The following RNF220 variants were observed in gnomAD, a reference collection of about 807,000 sequenced individuals.
RNF220 encodes the protein E3 ubiquitin-protein ligase RNF220.
A neutral mutation model predicts 67.1 loss-of-function variants in RNF220; 7 were observed. That is an observed-to-expected ratio of 0.10 (90% CI 0.06 to 0.20). The LOEUF (loss-of-function observed/expected upper bound fraction) is 0.20, where lower values mean the gene tolerates loss of function less well. RNF220 is among the 10% of genes least tolerant of loss of function. RNF220 has a pLI of 1.00. For synonymous variants in RNF220, 270 were observed against 283.2 expected, an observed-to-expected ratio of 0.95 and a Z score of 0.47; for missense variants, 565 against 740.3, an observed-to-expected ratio of 0.76 and a Z score of 2.75.
chr1:44,409,647 TAC>T, intron 1 of RNF220, among the ~76,000 whole-genome samples: 1 of 152,364 alleles, frequency 6.6e-6, no homozygotes, highest in Admixed American at 6.5e-5. Context: ...AACAGTTACT[TAC>T]TTTCCCTTTG....
At chr1:44,461,160 T>A (rs2147959759) in intron 2 of RNF220, among the ~76,000 whole-genome samples, 1 of 152,332 alleles carries the variant, frequency 6.6e-6, no homozygotes, top group South Asian at 2.1e-4. Context: ...ATATTGCATA[T>A]TTAATGCAAA....
At chr1:44,494,592 T>G (rs1351200062) in intron 2 of RNF220, among the ~76,000 whole-genome samples, 4 of 147,812 alleles carry the variant, frequency 2.7e-5, no homozygotes, top group Non-Finnish European at 5.9e-5. Flanking sequence ...GACATATTGT[T>G]AAAAAGAAAA....
chr1:44,642,021 G>A (rs764064867), intron 8 of RNF220, among the ~76,000 whole-genome samples: 1 of 152,228 alleles, frequency 6.6e-6, no homozygotes, highest in Non-Finnish European at 1.5e-5. Context: ...GAGCAGTGTC[G>A]CCAGTGTTTA....
chr1:44,629,167 AGT>A (rs1644042159), intron 5 of RNF220, among the ~76,000 whole-genome samples: 1 of 152,246 alleles, frequency 6.6e-6, no homozygotes, highest in African/African-American at 2.4e-5. Context: ...GTCTCAGGGC[AGT>A]GTCACACCAA....
intron 2 of RNF220, among the ~76,000 whole-genome samples, chr1:44,590,917 C>T (rs1361658587): frequency 2.0e-5 from 3 of 152,166 alleles, no homozygotes; most frequent in African/African-American, 7.2e-5. Context: ...AGATAGTTTT[C>T]CAGGCAGAGG....
At chr1:44,459,334 G>T (rs1234365242) in intron 2 of RNF220, among the ~76,000 whole-genome samples, 3 of 151,950 alleles carry the variant, frequency 2.0e-5, no homozygotes, top group African/African-American at 7.3e-5. Context: ...CCTTCTCCCA[G>T]AATTACTTCC....
intron 8 of RNF220, chr1:44,643,517 G>A (rs940917674): frequency 2.0e-5 from 3 of 152,346 alleles, no homozygotes; most frequent in African/African-American, 7.2e-5. Context: ...TGGAGCAGGA[G>A]GAAAGGTGGT....
At chr1:44,596,454 C>T (rs201577607) in intron 2 of RNF220, among the ~76,000 whole-genome samples, 1 of 149,592 alleles carries the variant, frequency 6.7e-6, no homozygotes, top group Non-Finnish European at 1.5e-5. Flanking sequence ...CCCAGCTACT[C>T]GGGAGGCTGA....
intron 6 of RNF220, among the ~76,000 whole-genome samples, chr1:44,634,562 G>A (rs78230093): frequency 6.6e-6 from 1 of 152,098 alleles, no homozygotes; most frequent in Non-Finnish European, 1.5e-5. Flanking sequence ...TCCCTCCTTT[G>A]CTGGCTCTCC....
chr1:44,620,867 G>A (rs1160843419), intron 3 of RNF220, among the ~76,000 whole-genome samples: 2 of 151,118 alleles, frequency 1.3e-5, no homozygotes, highest in Non-Finnish European at 1.5e-5. Context: ...TATTGGACTT[G>A]TGCACATGAG....
At chr1:44,455,581 T>C (rs1208571662) in intron 2 of RNF220, among the ~76,000 whole-genome samples, 1 of 152,154 alleles carries the variant, frequency 6.6e-6, no homozygotes, top group East Asian at 1.9e-4. Flanking sequence ...AGGAGCTTGG[T>C]ATTTTAAGTA....
At chr1:44,580,961 A>T (rs1665233565) in intron 2 of RNF220, among the ~76,000 whole-genome samples, 1 of 152,156 alleles carries the variant, frequency 6.6e-6, no homozygotes, top group African/African-American at 2.4e-5. Flanking sequence ...AGCTTCCTAG[A>T]GCAGGAAGTG....
At chr1:44,428,122 A>G (rs988561377) in intron 2 of RNF220, among the ~76,000 whole-genome samples, 1 of 152,150 alleles carries the variant, frequency 6.6e-6, no homozygotes, top group African/African-American at 2.4e-5. Flanking sequence ...CCACCCAATG[A>G]CCACCTTTTT....
At chr1:44,434,353 T>C (rs1417638300) in intron 2 of RNF220, among the ~76,000 whole-genome samples, 2 of 152,018 alleles carry the variant, frequency 1.3e-5, no homozygotes, top group African/African-American at 2.4e-5. Flanking sequence ...TTATTTTGGG[T>C]TCATCAGGAA....
chr1:44,517,127 A>G (rs1206815370), intron 2 of RNF220, among the ~76,000 whole-genome samples: 1 of 152,178 alleles, frequency 6.6e-6, no homozygotes, highest in Non-Finnish European at 1.5e-5. Context: ...AAATCCAGGC[A>G]TCAGCATCTG....
intron 2 of RNF220, among the ~76,000 whole-genome samples, chr1:44,589,088 G>A (rs1473059702): frequency 1.3e-5 from 2 of 152,212 alleles, no homozygotes; most frequent in East Asian, 3.9e-4. Flanking sequence ...TCAGCTGTGT[G>A]CTGCAGGTTG....
chr1:44,447,475 A>G (rs1652225923), intron 2 of RNF220, among the ~76,000 whole-genome samples: 1 of 152,226 alleles, frequency 6.6e-6, no homozygotes, highest in Admixed American at 6.5e-5. Flanking sequence ...TGGATTATTT[A>G]GCACCCTTCT....
At position 44,645,169 on chromosome 1, in the gene RNF220, G is replaced by C; in HGVS notation, c.1311-52G>C. 2 of 1,613,582 alleles carry C rather than the reference G, an allele frequency of 1.2e-6. No individual in the cohort carries two copies. The highest frequency in any genetic ancestry group is 1.1e-5 in the South Asian group (1 of 91,072). Reference sequence around the variant, plus strand: ...TAACGCAGTACTGACCCTCAGGGCTGTCCTGCCCGCCTTCAGGCCTCACTT... The same window carrying C: ...TAACGCAGTACTGACCCTCAGGGCTCTCCTGCCCGCCTTCAGGCCTCACTT... On this transcript the variant is annotated intron_variant, in intron 10 of 14. Transcript: ENST00000361799. The surrounding 1 kb of genome is among the most constrained non-coding windows in gnomAD (Gnocchi z 5.0).
chr1:44,431,270 T>C (rs1650336730), intron 2 of RNF220, among the ~76,000 whole-genome samples: 2 of 151,850 alleles, frequency 1.3e-5, no homozygotes, highest in Admixed American at 1.3e-4. Flanking sequence ...CCGAGGTGGG[T>C]GGATCACAAG....
Sources: gnomAD v4.1 joint callset for allele counts (sites outside exome capture counted in the v4.1 genomes callset) on GRCh38, gnomAD v4.1.1 for gene constraint, Gnocchi (gnomAD v3.1) non-coding constraint, MANE v1.5 for transcripts, NCBI Gene and HGNC (gene_info 2026-07-23, HGNC 2026-07-21) for gene names.